The following SPOCK1 variants were observed in gnomAD, a reference collection of about 807,000 sequenced individuals.
The protein encoded by SPOCK1 is SPARC (osteonectin), cwcv and kazal like domains proteoglycan 1.
Under a neutral mutation model 55.3 loss-of-function variants are expected in SPOCK1, and 23 were observed. That is an observed-to-expected ratio of 0.42 (90% confidence interval 0.30 to 0.59). SPOCK1 has a LOEUF of 0.59. SPOCK1 is among the 20% of genes least tolerant of loss of function. The pLI is 0.22. For synonymous variants in SPOCK1, 226 were observed against 221.0 expected (o/e 1.02, Z -0.20); for missense variants, 499 against 552.5 (o/e 0.90, Z 0.97).
rs115599143 is a variant in SPOCK1 at position 136,988,318 on chromosome 5, T to A, written c.928+104A>T. 1.0e-3 allele frequency: 855 copies of A among 831,784 alleles called. 3 individuals carry two copies. In the African/African-American group the frequency reaches 0.013, roughly 13 times the overall value. The allele number at this position is 831,784 out of a possible 1,614,324, so 51.5% of individuals were successfully genotyped here. A position where few individuals can be genotyped will look rare whatever the true frequency, so the allele number is the denominator to read the frequency against. ...GCATTAAATGGAATGAATTATTTAT[T>A]CTCTGGCTGTGGCTCTCTGCCCAAT... On this transcript the variant is annotated intron_variant, in intron 8 of 10. Coordinates refer to ENST00000394945, the MANE Select transcript of SPOCK1 (RefSeq NM_004598.4).
At chr5:137,434,645 G>A (rs938000973) in intron 2 of SPOCK1, among the ~76,000 whole-genome samples, 4 of 151,094 alleles carry the variant, frequency 2.6e-5, no homozygotes, top group East Asian at 3.9e-4. Flanking sequence ...GATTACAGGC[G>A]CCCGCCACCA....
chr5:137,038,109 T>C (rs938624483), intron 6 of SPOCK1, among the ~76,000 whole-genome samples: 1 of 152,128 alleles, frequency 6.6e-6, no homozygotes, highest in Non-Finnish European at 1.5e-5. Context: ...GCCTCATGGA[T>C]TGAAGAAAGA....
At chr5:137,203,431 A>G (rs1755462107) in intron 3 of SPOCK1, among the ~76,000 whole-genome samples, 1 of 151,988 alleles carries the variant, frequency 6.6e-6, no homozygotes, top group South Asian at 2.1e-4. Context: ...AAGACATGTC[A>G]CTCATCTCAT....
At chr5:137,498,286 A>T in intron 2 of SPOCK1, 87 bp downstream of exon 2, 1 of 1,298,860 alleles carries the variant, frequency 7.7e-7, no homozygotes, top group Non-Finnish European at 1.0e-6. Flanking sequence ...ACACACACAC[A>T]CACACACACA....
chr5:137,112,663 C>T, intron 4 of SPOCK1, 102 bp from the exon 5 acceptor site: 4 of 1,435,816 alleles, frequency 2.8e-6, no homozygotes. Flanking sequence ...AAAGGACTAT[C>T]CAACCAGGCC....
chr5:137,245,835 T>A (rs1756385265), intron 3 of SPOCK1, among the ~76,000 whole-genome samples: 1 of 151,540 alleles, frequency 6.6e-6, no homozygotes, highest in Non-Finnish European at 1.5e-5. Context: ...GGATCCATGA[T>A]TAAATAAGTT....
At chr5:137,265,622 T>G (rs1472262665) in intron 3 of SPOCK1, among the ~76,000 whole-genome samples, 1 of 152,204 alleles carries the variant, frequency 6.6e-6, no homozygotes, top group Non-Finnish European at 1.5e-5. Context: ...GAGTGAATCA[T>G]TGTGATGATT....
intron 2 of SPOCK1, among the ~76,000 whole-genome samples, chr5:137,454,706 G>T (rs561244710): frequency 6.6e-6 from 1 of 152,310 alleles, no homozygotes; most frequent in East Asian, 1.9e-4. Context: ...GGCATGATGA[G>T]AATGTTTTCC....
intron 4 of SPOCK1, among the ~76,000 whole-genome samples, chr5:137,128,841 C>T (rs1163257604): frequency 6.6e-6 from 1 of 152,168 alleles, no homozygotes; most frequent in Non-Finnish European, 1.5e-5. Flanking sequence ...AGAGCTTCCA[C>T]TTTATTTCAT....
intron 3 of SPOCK1, among the ~76,000 whole-genome samples, chr5:137,200,115 C>G (rs1394811445): frequency 6.6e-6 from 1 of 152,196 alleles, no homozygotes; most frequent in African/African-American, 2.4e-5. Flanking sequence ...AGTGAAGAGT[C>G]CTTCTGTATT....
At chr5:137,103,315 A>T (rs1369005149) in intron 5 of SPOCK1, among the ~76,000 whole-genome samples, 1 of 152,094 alleles carries the variant, frequency 6.6e-6, no homozygotes, top group Admixed American at 6.5e-5. Context: ...TAACTTTCCT[A>T]TTTTGGCTGG....
intron 2 of SPOCK1, among the ~76,000 whole-genome samples, chr5:137,451,146 G>A (rs139756579): frequency 9.3e-4 from 142 of 152,200 alleles, no homozygotes; most frequent in African/African-American, 3.3e-3. Flanking sequence ...AGGCCACAGG[G>A]TAGATCACCT....
intron 3 of SPOCK1, among the ~76,000 whole-genome samples, chr5:137,216,590 A>C (rs6884629): frequency 6.6e-6 from 1 of 151,910 alleles, no homozygotes; most frequent in Admixed American, 6.5e-5. Flanking sequence ...GCATGCCTGG[A>C]GTCCCAGATA....
At chr5:137,414,377 G>T (rs1045694997) in intron 2 of SPOCK1, among the ~76,000 whole-genome samples, 1 of 152,200 alleles carries the variant, frequency 6.6e-6, no homozygotes, top group Admixed American at 6.5e-5. Flanking sequence ...GCAGGAAAAT[G>T]TCAACATGTG....
In SPOCK1 at chr5:137,177,329, A is replaced by T. The variant is rs139843790; in HGVS notation, c.233-36635T>A. Among the ~76,000 whole-genome samples, 454 of 152,310 alleles carry T rather than the reference A, an allele frequency of 3.0e-3. 5 individuals carry two copies. Among genetic ancestry groups the T allele is most frequent in the African/African-American group, 0.011 (439 of 41,578 alleles). ...CTGCAGTACAGGTCTGCTGGGGGCCATCCCCAGGTTATCAAAGGCATCTTC... is the reference window on the plus strand; with the variant it reads ...CTGCAGTACAGGTCTGCTGGGGGCCTTCCCCAGGTTATCAAAGGCATCTTC... On this transcript the variant is annotated intron_variant, in intron 3 of 10. Transcript: ENST00000394945.
At chr5:137,276,086 GC>G (rs1242292823) in intron 2 of SPOCK1, among the ~76,000 whole-genome samples, 1 of 152,172 alleles carries the variant, frequency 6.6e-6, no homozygotes, top group Non-Finnish European at 1.5e-5. Context: ...CCAGGTCAAG[GC>G]CAAGCCCATC....
intron 3 of SPOCK1, among the ~76,000 whole-genome samples, chr5:137,175,314 A>G (rs559899583): frequency 6.6e-6 from 1 of 152,290 alleles, no homozygotes; most frequent in South Asian, 2.1e-4. Flanking sequence ...TGGGTTGGAT[A>G]GGTAGGAGGC....
At chr5:137,329,425 C>T (rs1758132445) in intron 2 of SPOCK1, among the ~76,000 whole-genome samples, 1 of 152,020 alleles carries the variant, frequency 6.6e-6, no homozygotes, top group Non-Finnish European at 1.5e-5. Context: ...CTAATATCTC[C>T]TTTTGGTTCT....
At chr5:137,353,943 C>T (rs10477794) in intron 2 of SPOCK1, among the ~76,000 whole-genome samples, 5,278 of 152,270 alleles carry the variant, frequency 0.035, 167 homozygotes, top group African/African-American at 0.092. Context: ...CAAAGCTAAA[C>T]ACCACATCTT....
Sources: gnomAD v4.1 joint callset for allele counts (sites outside exome capture counted in the v4.1 genomes callset) on GRCh38, gnomAD v4.1.1 for gene constraint, MANE v1.5 for transcripts, NCBI Gene and HGNC (gene_info 2026-07-23, HGNC 2026-07-21) for gene names.